SLC35F1: variants seen among roughly 807,000 people sequenced by gnomAD.
The protein encoded by SLC35F1 is solute carrier family 35 member F1.
A neutral mutation model predicts 48.7 loss-of-function variants in SLC35F1; 14 were observed. The ratio of observed to expected loss-of-function variants is 0.29; its 90% CI spans 0.19 to 0.45. The LOEUF (loss-of-function observed/expected upper bound fraction) is 0.45. SLC35F1 is among the 20% of genes least tolerant of loss of function. The pLI, the probability that SLC35F1 is intolerant of heterozygous loss-of-function variation, is 1.00. For synonymous variants in SLC35F1, 190 were observed against 202.2 expected, an observed-to-expected ratio of 0.94 and a Z score of 0.51; for missense variants, 404 against 500.0, an observed-to-expected ratio of 0.81 and a Z score of 1.83.
chr6:118,285,377 T>A (rs766222995), intron 7 of SLC35F1, 39 bp downstream of exon 7: 4 of 1,609,358 alleles, frequency 2.5e-6, no homozygotes, highest in Non-Finnish European at 3.4e-6. Context: ...GATGATACTT[T>A]GTAGGAAACA....
Position 118,275,012 on chromosome 6 carries a change from A to G in SLC35F1, c.638-447A>G, listed in dbSNP as rs1400009347. 3.3e-5 allele frequency among the ~76,000 whole-genome samples: 5 copies of G among 152,300 alleles called. No homozygotes were observed. The South Asian group carries it at 1.0e-3, about 32-fold the overall frequency. ...CAATATAACTTGTGCATGTATTAGC[A>G]TATATTCATAGACATTAGCCAGGTG... On this transcript the variant is annotated intron_variant, in intron 4 of 7. Coordinates refer to ENST00000360388, the MANE Select transcript of SLC35F1 (RefSeq NM_001029858.4).
In SLC35F1 at chr6:117,907,849, C is replaced by A; in HGVS notation, c.123C>A (p.Ser41=). The A allele has an allele frequency of 6.5e-7, 1 of 1,535,490 alleles. No individual in the cohort carries two copies. The highest frequency in any genetic ancestry group is 8.7e-7 in the Non-Finnish European group (1 of 1,151,266). ...GCAGCGGCGGCGGCGGGAGCCTGTC[C>A]GCCTCCTCCCGGGCTGGCGTGCGCC... ...AEGSGGGGSL[S]ASSRAGVRQR... is the part of the protein sequence containing the mutation. Residue 41 remains serine, a synonymous_variant, in exon 1 of 8, where the codon TCC becomes TCA. Coordinates refer to ENST00000360388, the MANE Select transcript of SLC35F1 (RefSeq NM_001029858.4).
intron 1 of SLC35F1, among the ~76,000 whole-genome samples, chr6:118,074,456 G>A (rs962292209): frequency 1.3e-5 from 2 of 151,954 alleles, no homozygotes; most frequent in South Asian, 2.1e-4. Flanking sequence ...ACCTCTATGT[G>A]ACCTCCTCAA....
At chr6:117,951,926 G>A (rs538360575) in intron 1 of SLC35F1, among the ~76,000 whole-genome samples, 32 of 152,342 alleles carry the variant, frequency 2.1e-4, no homozygotes, top group African/African-American at 6.7e-4. Flanking sequence ...TTCCTGCAAA[G>A]TGCCAGTGGA....
intron 1 of SLC35F1, among the ~76,000 whole-genome samples, chr6:118,041,629 G>A (rs1401247139): frequency 1.3e-5 from 2 of 152,308 alleles, no homozygotes; most frequent in African/African-American, 4.8e-5. Context: ...CTAATCAAGA[G>A]GGTGGGTTGA....
At chr6:118,058,798 G>A (rs762352188) in intron 1 of SLC35F1, among the ~76,000 whole-genome samples, 1 of 152,208 alleles carries the variant, frequency 6.6e-6, no homozygotes, top group Non-Finnish European at 1.5e-5. Context: ...TTTAGTCTCA[G>A]TGCAATGAAA....
At chr6:118,139,397 C>T (rs1164057947) in intron 1 of SLC35F1, among the ~76,000 whole-genome samples, 1 of 152,192 alleles carries the variant, frequency 6.6e-6, no homozygotes, top group Non-Finnish European at 1.5e-5. Flanking sequence ...CAGGCGTGAG[C>T]CACCGCGCCC....
intron 2 of SLC35F1, among the ~76,000 whole-genome samples, chr6:118,218,647 C>A (rs765618291): frequency 2.6e-4 from 39 of 152,118 alleles, no homozygotes; most frequent in Non-Finnish European, 4.7e-4. Flanking sequence ...CCTACTGTTT[C>A]TTTATGTCCT....
intron 1 of SLC35F1, among the ~76,000 whole-genome samples, chr6:117,908,647 C>A (rs1775726891): frequency 6.6e-6 from 1 of 152,220 alleles, no homozygotes; most frequent in African/African-American, 2.4e-5. Flanking sequence ...AGGACGTTGA[C>A]GTTTTAGGAT....
chr6:118,146,479 C>A (rs1773974759), intron 1 of SLC35F1, among the ~76,000 whole-genome samples: 1 of 152,108 alleles, frequency 6.6e-6, no homozygotes, highest in Admixed American at 6.6e-5. Context: ...TGATGACATG[C>A]CAACTTCTCA....
intron 2 of SLC35F1, among the ~76,000 whole-genome samples, chr6:118,192,809 G>T (rs1306392518): frequency 1.3e-5 from 2 of 152,130 alleles, no homozygotes; most frequent in Admixed American, 1.3e-4. Context: ...TCTTTTGCAT[G>T]CTTCAGGAGC....
intron 1 of SLC35F1, among the ~76,000 whole-genome samples, chr6:118,072,123 T>C (rs2114301509): frequency 6.6e-6 from 1 of 152,378 alleles, no homozygotes; most frequent in South Asian, 2.1e-4. Context: ...CTTTTTATTT[T>C]GAGAGACTTC....
At chr6:118,137,339 A>C (rs1489113730) in intron 1 of SLC35F1, among the ~76,000 whole-genome samples, 1 of 152,248 alleles carries the variant, frequency 6.6e-6, no homozygotes, top group East Asian at 1.9e-4. Flanking sequence ...CAAAATAGAA[A>C]TAAACTTTTC....
At chr6:118,017,929 G>C (rs966343838) in intron 1 of SLC35F1, among the ~76,000 whole-genome samples, 2 of 152,154 alleles carry the variant, frequency 1.3e-5, no homozygotes, top group Non-Finnish European at 2.9e-5. Context: ...CAGTTCATAT[G>C]GTGCCTCATA....
chr6:118,162,836 A>G (rs1401626966), intron 2 of SLC35F1, among the ~76,000 whole-genome samples: 2 of 152,228 alleles, frequency 1.3e-5, no homozygotes, highest in South Asian at 2.1e-4. Flanking sequence ...TTCCATACAT[A>G]AGCAGTGCTT....
chr6:117,923,371 C>T (rs554210458), intron 1 of SLC35F1, among the ~76,000 whole-genome samples: 1 of 151,358 alleles, frequency 6.6e-6, no homozygotes, highest in Non-Finnish European at 1.5e-5. Context: ...AGCTAAGCTC[C>T]GAAGAAGGAA....
chr6:118,026,425 A>G (rs1771943867), intron 1 of SLC35F1, among the ~76,000 whole-genome samples: 1 of 152,182 alleles, frequency 6.6e-6, no homozygotes, highest in Non-Finnish European at 1.5e-5. Context: ...ACTTTTACAG[A>G]TGGTGTTTAA....
intron 1 of SLC35F1, among the ~76,000 whole-genome samples, chr6:118,069,232 T>C (rs373257205): frequency 4.6e-5 from 7 of 152,216 alleles, no homozygotes; most frequent in Non-Finnish European, 8.8e-5. Context: ...TCCCAATCAA[T>C]TGTCAAATTG....
intron 2 of SLC35F1, among the ~76,000 whole-genome samples, chr6:118,204,317 G>A (rs1774907202): frequency 6.6e-6 from 1 of 152,232 alleles, no homozygotes; most frequent in East Asian, 1.9e-4. Context: ...AGACGCAAAA[G>A]TGGGCCAGAC....
Sources: gnomAD v4.1 joint callset for allele counts (sites outside exome capture counted in the v4.1 genomes callset) on GRCh38, gnomAD v4.1.1 for gene constraint, MANE v1.5 for transcripts, NCBI Gene and HGNC (gene_info 2026-07-23, HGNC 2026-07-21) for gene names.